Variants in IQGAP3 observed in about 807,000 individuals in gnomAD.
IQGAP3 encodes IQ motif containing GTPase activating protein 3, also known as ras GTPase-activating-like protein IQGAP3.
In IQGAP3, 165 loss-of-function variants were observed where a neutral mutation model predicts 208.2. The ratio of observed to expected loss-of-function variants is 0.79; its 90% CI spans 0.70 to 0.90. The LOEUF is 0.90. Ranked by LOEUF, IQGAP3 falls within the 40% of genes least tolerant of loss-of-function variation. The probability of loss-of-function intolerance (pLI) is 0.00; values close to 1 mark genes in which losing one functional copy is unlikely to be tolerated. For missense variants in IQGAP3, 1,811 were observed against 2,043.1 expected (o/e 0.89, Z 2.19); for synonymous variants, 703 against 803.6 (o/e 0.87, Z 2.12).
At position 156,526,130 on chromosome 1, in the gene IQGAP3, G is replaced by A. The variant is rs1177683170; in HGVS notation, c.*356C>T. The A allele has an allele frequency of 9.5e-6, 2 of 210,618 alleles. No homozygotes were observed. The highest frequency in any genetic ancestry group is 5.1e-5 in the Admixed American group (1 of 19,578). 13.0% of individuals were successfully genotyped at this position (210,618 alleles called of 1,614,324 possible). Reference sequence around the variant, plus strand: ...AGGAAGGCAGAGGGGAAATCAAGCCGCTGGGGCAGTGCTTGTAATATTGGG... The same window carrying A: ...AGGAAGGCAGAGGGGAAATCAAGCCACTGGGGCAGTGCTTGTAATATTGGG... On this transcript the variant is annotated 3_prime_UTR_variant, in exon 38 of 38. Coordinates refer to ENST00000361170, the MANE Select transcript of IQGAP3 (RefSeq NM_178229.5).
chr1:156,568,089 A>C (rs903150614), intron 2 of IQGAP3, among the ~76,000 whole-genome samples: 9 of 152,240 alleles, frequency 5.9e-5, no homozygotes, highest in African/African-American at 1.7e-4. Flanking sequence ...TGGAACATGT[A>C]TCTTACATAT....
intron 8 of IQGAP3, among the ~76,000 whole-genome samples, 178 bp downstream of exon 8, chr1:156,562,956 G>T (rs1033635844): frequency 6.6e-6 from 1 of 152,066 alleles, no homozygotes; most frequent in African/African-American, 2.4e-5. Flanking sequence ...TCTTCTCTTC[G>T]GAATTCTCAT....
intron 29 of IQGAP3, 37 bp from the exon 30 acceptor site, chr1:156,534,178 G>T: frequency 6.2e-7 from 1 of 1,609,368 alleles, no homozygotes; most frequent in Non-Finnish European, 8.5e-7. Context: ...AGCGGGGAGG[G>T]CCAGCACCCC....
At chr1:156,559,116 C>CA (rs1676033682) in intron 11 of IQGAP3, among the ~76,000 whole-genome samples, 1 of 98 alleles carries the variant, frequency 0.01, no homozygotes, top group African/African-American at 0.01. Flanking sequence ...CAAGAATGAT[C>CA]AATAAAAAAA....
At chr1:156,527,537 C>G (rs1306278612) in intron 37 of IQGAP3, among the ~76,000 whole-genome samples, 1 of 152,130 alleles carries the variant, frequency 6.6e-6, no homozygotes, top group Non-Finnish European at 1.5e-5. Context: ...CCAAAAACAC[C>G]GTTGCTTCAC....
chr1:156,533,236 G>T (rs1674510552), intron 31 of IQGAP3, 130 bp from the exon 32 acceptor site: 2 of 1,221,730 alleles, frequency 1.6e-6, no homozygotes, highest in Non-Finnish European at 2.3e-6. Context: ...CTTCCAGGAA[G>T]TTTTCCCACA....
Position 156,561,852 on chromosome 1 carries a change from C to A in IQGAP3, c.1027G>T (p.Glu343Ter). 1 of 1,614,068 alleles carries A rather than the reference C, an allele frequency of 6.2e-7. No homozygotes were observed. The highest frequency in any genetic ancestry group is 8.5e-7 in the Non-Finnish European group (1 of 1,179,968). ...WYLEQLNSDR[E>*]QKAQELGLVE... ...CAGAGGCTAACCTGTGCCTTCTGCT[C>A]TCTGTCTGAGTTCAGCTGCTCCAGG... Residue 343 changes from glutamate (E) to a stop codon, truncating the protein, a stop_gained, in exon 10 of 38, where the codon GAG becomes TAG. Transcript: ENST00000361170. LOFTEE classifies it high-confidence loss of function.
intron 5 of IQGAP3, among the ~76,000 whole-genome samples, chr1:156,564,210 G>A (rs565943573): frequency 1.3e-5 from 2 of 152,278 alleles, no homozygotes; most frequent in East Asian, 1.9e-4. Context: ...ACAAGGAACC[G>A]GTCGGTCACT....
At chr1:156,527,434 C>A (rs144004297) in intron 37 of IQGAP3, among the ~76,000 whole-genome samples, 3,178 of 152,050 alleles carry the variant, frequency 0.021, 98 homozygotes, top group African/African-American at 0.074. Flanking sequence ...GCTGAGATTG[C>A]GCCATTGCAC....
chr1:156,532,673 C>G (rs1674466925), intron 32 of IQGAP3, among the ~76,000 whole-genome samples: 1 of 152,086 alleles, frequency 6.6e-6, no homozygotes, highest in Non-Finnish European at 1.5e-5. Context: ...CATGGCGAGA[C>G]TCTGTCTCTA....
chr1:156,563,665 A>G lies in IQGAP3; in HGVS notation c.507T>C (p.Ala169=), dbSNP rs751267615. The G allele has an allele frequency of 6.2e-7, 1 of 1,612,188 alleles. No homozygotes were observed. The highest frequency in any genetic ancestry group is 1.1e-5 in the South Asian group (1 of 90,618). Residue 169 remains alanine, a splice_region_variant and synonymous_variant, in exon 7 of 38, where the codon GCT becomes GCC. Transcript: ENST00000361170. ...CGGACGCCATGTTGCTGAGTTCCTC[A>G]GCTGCAATGATGCCACAGGTGCCCT... ...HDLYGKVKFT[A]EELSNMASEL...
At chr1:156,547,424 C>CACACAG (rs1355374918) in intron 19 of IQGAP3, among the ~76,000 whole-genome samples, 5 of 146,848 alleles carry the variant, frequency 3.4e-5, no homozygotes, top group Non-Finnish European at 5.9e-5. Flanking sequence ...CACACACACA[C>CACACAG]AGACACACAC....
At chr1:156,562,255 C>T (rs972735777) in intron 9 of IQGAP3, among the ~76,000 whole-genome samples, 1 of 152,062 alleles carries the variant, frequency 6.6e-6, no homozygotes, top group Non-Finnish European at 1.5e-5. Context: ...AGCCTTCACA[C>T]GGCTCCTACC....
At chr1:156,545,371 C>A (rs1422527819) in intron 19 of IQGAP3, among the ~76,000 whole-genome samples, 3 of 152,210 alleles carry the variant, frequency 2.0e-5, no homozygotes, top group Non-Finnish European at 4.4e-5. Flanking sequence ...CCCTATTTGA[C>A]TTGCCACTGG....
chr1:156,543,945 T>C, intron 22 of IQGAP3, 36 bp downstream of exon 22: 1 of 1,596,774 alleles, frequency 6.3e-7, no homozygotes, highest in Non-Finnish European at 8.6e-7. Flanking sequence ...GTCCTCTCCC[T>C]CCCAACAGCT....
At chr1:156,541,272 T>C (rs1314157140) in intron 22 of IQGAP3, among the ~76,000 whole-genome samples, 1 of 151,560 alleles carries the variant, frequency 6.6e-6, no homozygotes, top group Non-Finnish European at 1.5e-5. Flanking sequence ...AATCTACCAC[T>C]CACTTCTGCT....
Position 156,533,112 on chromosome 1 carries a change from G to T in IQGAP3, c.3977-6C>A. 1 of 1,613,772 alleles carries T rather than the reference G, an allele frequency of 6.2e-7. No individual in the cohort carries two copies. Among genetic ancestry groups the T allele is most frequent in the Non-Finnish European group, 8.5e-7 (1 of 1,179,830 alleles). ...ATCTGCAGCGATGCTCTCACCTGAGGTGTGGTGAGGAATGAGAGGGAGACA... is the reference window on the plus strand; with the variant it reads ...ATCTGCAGCGATGCTCTCACCTGAGTTGTGGTGAGGAATGAGAGGGAGACA... On this transcript the variant is annotated splice_region_variant and splice_polypyrimidine_tract_variant and intron_variant, in intron 31 of 37. Coordinates refer to ENST00000361170, the MANE Select transcript of IQGAP3 (RefSeq NM_178229.5).
Position 156,534,022 on chromosome 1 carries a change from A to C in IQGAP3, c.3860T>G (p.Val1287Gly), listed in dbSNP as rs770089295. ...TCAGCCCCTCACCCTGTGCGTGTTG[A>C]CCAGCTCCCCCACGGTGATGTACAC... ...PMVYITVGEL[V>G]NTHRLLLEHQ... Residue 1287 changes from valine to glycine, a missense_variant, in exon 30 of 38, where the codon GTC becomes GGC. Transcript: ENST00000361170. The C allele has an allele frequency of 6.2e-7, 1 of 1,613,754 alleles. No homozygotes were observed.
intron 37 of IQGAP3, among the ~76,000 whole-genome samples, chr1:156,526,879 C>T (rs1242843964): frequency 6.6e-6 from 1 of 152,080 alleles, no homozygotes; most frequent in African/African-American, 2.4e-5. Context: ...GTCTCCCAGG[C>T]TACAGTGCAG....
Sources: allele counts gnomAD v4.1 joint callset (sites outside exome capture counted in the v4.1 genomes callset), GRCh38; gene constraint gnomAD v4.1.1; transcripts MANE v1.5; gene names NCBI Gene and HGNC (gene_info 2026-07-23, HGNC 2026-07-21).